RABGAP1L: variants seen among roughly 807,000 people sequenced by gnomAD.
RABGAP1L encodes rab GTPase-activating protein 1-like.
A neutral mutation model predicts 137.7 loss-of-function variants in RABGAP1L; 63 were observed. The observed-to-expected ratio is 0.46, with a 90% CI of 0.37 to 0.56. RABGAP1L has a LOEUF of 0.56. RABGAP1L is among the 20% of genes least tolerant of loss of function. RABGAP1L has a pLI of 0.00. For missense variants in RABGAP1L, 1,095 were observed against 1,244.0 expected, an observed-to-expected ratio of 0.88 and a Z score of 1.80; for synonymous variants, 431 against 433.7, an observed-to-expected ratio of 0.99 and a Z score of 0.08.
chr1:174,239,156 C>G (rs1028440091), intron 4 of RABGAP1L, among the ~76,000 whole-genome samples: 1 of 152,178 alleles, frequency 6.6e-6, no homozygotes, highest in African/African-American at 2.4e-5. Context: ...AACTGGCCTG[C>G]GCCCACTGTC....
chr1:174,373,505 G>C (rs1685273475), intron 12 of RABGAP1L, among the ~76,000 whole-genome samples: 1 of 152,084 alleles, frequency 6.6e-6, no homozygotes, highest in African/African-American at 2.4e-5. Flanking sequence ...CTCTGAAGAG[G>C]GCTGCATCCT....
intron 19 of RABGAP1L, among the ~76,000 whole-genome samples, chr1:174,889,679 C>T (rs1655798401): frequency 6.6e-6 from 1 of 152,022 alleles, no homozygotes; most frequent in African/African-American, 2.4e-5. Flanking sequence ...AATCCTCCCA[C>T]CTCAGCCTCT....
At chr1:174,314,107 T>C (rs938185365) in intron 11 of RABGAP1L, among the ~76,000 whole-genome samples, 1 of 152,212 alleles carries the variant, frequency 6.6e-6, no homozygotes, top group African/African-American at 2.4e-5. Context: ...TTTAAATGTT[T>C]GATAGAATTC....
At chr1:174,676,486 C>G (rs1005817940) in intron 14 of RABGAP1L, among the ~76,000 whole-genome samples, 1 of 152,152 alleles carries the variant, frequency 6.6e-6, no homozygotes, top group Admixed American at 6.5e-5. Flanking sequence ...AAAAACAAAG[C>G]AAACTGAAGT....
chr1:174,611,105 G>A (rs1351674120), intron 13 of RABGAP1L, among the ~76,000 whole-genome samples: 1 of 148,732 alleles, frequency 6.7e-6, no homozygotes, highest in African/African-American at 2.5e-5. Context: ...ATTACTTTTT[G>A]TGTTTTAGAC....
intron 19 of RABGAP1L, among the ~76,000 whole-genome samples, chr1:174,846,342 C>A (rs954245453): frequency 1.2e-4 from 18 of 151,102 alleles, no homozygotes; most frequent in African/African-American, 3.7e-4. Flanking sequence ...TGGATCTTTC[C>A]CGCTTTCTCT....
intron 14 of RABGAP1L, among the ~76,000 whole-genome samples, chr1:174,638,276 T>C (rs1335374466): frequency 5.9e-5 from 9 of 152,272 alleles, no homozygotes; most frequent in Non-Finnish European, 1.2e-4. Flanking sequence ...TTAGCCTTTG[T>C]AATGAGTAGC....
chr1:174,892,203 T>C (rs1656283743), intron 19 of RABGAP1L, among the ~76,000 whole-genome samples: 1 of 152,212 alleles, frequency 6.6e-6, no homozygotes. Flanking sequence ...CAGAGGCCTG[T>C]AGCTACCAGC....
At chr1:174,860,232 C>T (rs1221026185) in intron 19 of RABGAP1L, among the ~76,000 whole-genome samples, 3 of 151,960 alleles carry the variant, frequency 2.0e-5, no homozygotes, top group East Asian at 3.9e-4. Context: ...GAAATTGTAT[C>T]CTGGCACCAT....
chr1:174,844,055 G>T (rs969541787), intron 19 of RABGAP1L, among the ~76,000 whole-genome samples: 9 of 150,856 alleles, frequency 6.0e-5, no homozygotes, highest in Non-Finnish European at 1.3e-4. Context: ...CATGTCCTTC[G>T]CCCACTTTTT....
At chr1:174,497,772 C>T (rs982803289) in intron 13 of RABGAP1L, among the ~76,000 whole-genome samples, 5 of 152,314 alleles carry the variant, frequency 3.3e-5, no homozygotes, top group Admixed American at 3.3e-4. Context: ...GTCATTTGAA[C>T]AAAAGATTCC....
At chr1:174,915,685 G>A (rs939957613) in intron 19 of RABGAP1L, among the ~76,000 whole-genome samples, 3 of 152,120 alleles carry the variant, frequency 2.0e-5, no homozygotes, top group African/African-American at 4.8e-5. Context: ...TCAATCTCTC[G>A]ACCTCATGAT....
intron 13 of RABGAP1L, among the ~76,000 whole-genome samples, chr1:174,522,107 C>G (rs1352603588): frequency 6.6e-6 from 1 of 151,510 alleles, no homozygotes; most frequent in African/African-American, 2.4e-5. Flanking sequence ...AGTTGGTTTT[C>G]AAGATCCCAT....
At chr1:174,384,902 T>C (rs908045978) in intron 12 of RABGAP1L, among the ~76,000 whole-genome samples, 7 of 151,666 alleles carry the variant, frequency 4.6e-5, no homozygotes, top group African/African-American at 1.7e-4. Flanking sequence ...TCTTGTCTTA[T>C]ATAGTGTTTT....
chr1:174,605,884 G>A (rs1384181664), intron 13 of RABGAP1L, among the ~76,000 whole-genome samples: 1 of 151,990 alleles, frequency 6.6e-6, no homozygotes, highest in African/African-American at 2.4e-5. Flanking sequence ...TTTATTTGGG[G>A]GCATTGTCCT....
chr1:174,877,480 A>G (rs1351328821), intron 19 of RABGAP1L: 5 of 1,613,900 alleles, frequency 3.1e-6, no homozygotes, highest in Non-Finnish European at 3.4e-6. Flanking sequence ...TGCTGTGGAA[A>G]GGCCAGCTGG....
chr1:174,760,947 G>A (rs1256225814), intron 18 of RABGAP1L, among the ~76,000 whole-genome samples: 2 of 152,218 alleles, frequency 1.3e-5, no homozygotes, highest in Admixed American at 6.5e-5. Flanking sequence ...ATAGAAATGA[G>A]TGAACTAAAG....
chr1:174,204,880 T>C (rs901654624), intron 1 of RABGAP1L, among the ~76,000 whole-genome samples: 6 of 152,338 alleles, frequency 3.9e-5, no homozygotes, highest in Admixed American at 6.5e-5. Context: ...TCTTTGCCCT[T>C]CGCCTTCTGC....
chr1:174,987,810 A>AT (rs1558309700), intron 24 of RABGAP1L, among the ~76,000 whole-genome samples: 2 of 151,956 alleles, frequency 1.3e-5, no homozygotes, highest in Non-Finnish European at 2.9e-5. Flanking sequence ...GAGTTATTTT[A>AT]TTTTATTTTT....
Sources: gnomAD v4.1 joint callset for allele counts (sites outside exome capture counted in the v4.1 genomes callset) on GRCh38, gnomAD v4.1.1 for gene constraint, MANE v1.5 for transcripts, NCBI Gene and HGNC (gene_info 2026-07-23, HGNC 2026-07-21) for gene names.